Variants in PKHD1 observed in about 807,000 individuals in gnomAD.
PKHD1 encodes the protein fibrocystin.
In PKHD1, 291 loss-of-function variants were observed where a neutral mutation model predicts 412.0. That is an observed-to-expected ratio of 0.71 (90% CI 0.64 to 0.78). The LOEUF (loss-of-function observed/expected upper bound fraction) is 0.78. Among genes scored for constraint, PKHD1 ranks in the 30% least tolerant of loss-of-function variants. The pLI, the probability that PKHD1 is intolerant of heterozygous loss-of-function variation, is 0.00. For missense variants in PKHD1, 4,825 were observed against 4,950.7 expected (o/e 0.97, Z 0.76); for synonymous variants, 1,777 against 1,821.5 (o/e 0.98, Z 0.62).
chr6:51,900,158 A>G (rs934646893), intron 43 of PKHD1, among the ~76,000 whole-genome samples: 4 of 152,008 alleles, frequency 2.6e-5, no homozygotes, highest in African/African-American at 4.8e-5. Context: ...ACAGAATTGG[A>G]AAAAAAACTA....
chr6:51,722,033 GA>G (rs1197032013), intron 60 of PKHD1: 10 of 1,613,078 alleles, frequency 6.2e-6, no homozygotes, highest in Non-Finnish European at 8.5e-6. Context: ...GAAGTAAACA[GA>G]AGTACTTTAG....
At chr6:51,894,885 T>C (rs1010803513) in intron 43 of PKHD1, among the ~76,000 whole-genome samples, 4 of 152,256 alleles carry the variant, frequency 2.6e-5, no homozygotes, top group Non-Finnish European at 5.9e-5. Context: ...GAAGAGCACA[T>C]AGGAATTCTC....
Position 52,033,010 on chromosome 6 carries a change from T to C in PKHD1, c.3364+20A>G. On this transcript the variant is annotated intron_variant, in intron 29 of 66. Coordinates refer to ENST00000371117, the MANE Select transcript of PKHD1 (RefSeq NM_138694.4). ...CAATGCTCTAAGAAGAAAAAGATCTTGCAGTATCACATATTTTACCTGCTA... is the reference window on the plus strand; with the variant it reads ...CAATGCTCTAAGAAGAAAAAGATCTCGCAGTATCACATATTTTACCTGCTA... 3 of 1,599,610 alleles carry C rather than the reference T, an allele frequency of 1.9e-6. No homozygotes were observed. Among genetic ancestry groups the C allele is most frequent in the Non-Finnish European group, 1.7e-6 (2 of 1,167,162 alleles).
intron 36 of PKHD1, among the ~76,000 whole-genome samples, chr6:51,949,257 T>C (rs1026692917): frequency 3.3e-5 from 5 of 152,208 alleles, no homozygotes; most frequent in African/African-American, 1.2e-4. Flanking sequence ...TACCTTTCAA[T>C]TATTAAATAG....
chr6:52,043,758 T>A, intron 25 of PKHD1, 28 bp from the exon 26 acceptor site: 1 of 1,500,134 alleles, frequency 6.7e-7, no homozygotes, highest in Non-Finnish European at 9.3e-7. Context: ...TTCTTTTCCA[T>A]TTTATGCATT....
chr6:51,753,821 G>A lies in PKHD1; in HGVS notation c.8798-468C>T, dbSNP rs529792315. ...AAAAGGAAAGCGAGAAGCAGCACCA[G>A]GCAGCAGCAGCGCCCTCTCATGGTG... On this transcript the variant is annotated intron_variant, in intron 56 of 66. Coordinates refer to ENST00000371117, the MANE Select transcript of PKHD1 (RefSeq NM_138694.4). Among the ~76,000 whole-genome samples the A allele has an allele frequency of 1.6e-4, 24 of 152,306 alleles. No homozygotes were observed. Among genetic ancestry groups the A allele is most frequent in the African/African-American group, 5.5e-4 (23 of 41,568 alleles).
intron 55 of PKHD1, 108 bp downstream of exon 55, chr6:51,772,594 A>T: frequency 1.7e-6 from 1 of 597,608 alleles, no homozygotes; most frequent in Non-Finnish European, 3.0e-6. Context: ...CTCATCCTTT[A>T]ATTATAATGT....
chr6:51,964,682 G>A (rs1365639601), intron 35 of PKHD1, among the ~76,000 whole-genome samples: 1 of 152,082 alleles, frequency 6.6e-6, no homozygotes, highest in Non-Finnish European at 1.5e-5. Flanking sequence ...ATGCCATAAT[G>A]AAAAATCTTT....
chr6:51,694,548 C>A (rs191980170), intron 60 of PKHD1, among the ~76,000 whole-genome samples: 115 of 37,702 alleles, frequency 3.1e-3, no homozygotes, highest in African/African-American at 0.012. Flanking sequence ...CACAACCAGC[C>A]TTTTTTTTTT....
chr6:51,716,346 C>A (rs1373601166), intron 60 of PKHD1, among the ~76,000 whole-genome samples: 1 of 152,066 alleles, frequency 6.6e-6, no homozygotes. Flanking sequence ...GGACATAAAT[C>A]AATTATCTGA....
At chr6:51,964,708 A>G (rs1427877439) in intron 35 of PKHD1, among the ~76,000 whole-genome samples, 2 of 152,160 alleles carry the variant, frequency 1.3e-5, no homozygotes, top group Non-Finnish European at 2.9e-5. Context: ...CTGAAATAAT[A>G]TGATATGAAG....
At chr6:52,084,488 A>G (rs1035518713) in intron 2 of PKHD1, among the ~76,000 whole-genome samples, 6 of 152,254 alleles carry the variant, frequency 3.9e-5, no homozygotes, top group Non-Finnish European at 8.8e-5. Flanking sequence ...TCTTTGGGAA[A>G]GTCCGACAGC....
chr6:51,893,764 G>A (rs776101680), intron 43 of PKHD1, among the ~76,000 whole-genome samples: 5 of 152,054 alleles, frequency 3.3e-5, no homozygotes, highest in Non-Finnish European at 7.4e-5. Flanking sequence ...AAAAAAGTGA[G>A]TTAACCCTTC....
intron 36 of PKHD1, among the ~76,000 whole-genome samples, chr6:51,949,856 G>A (rs549546452): frequency 6.6e-6 from 1 of 152,138 alleles, no homozygotes; most frequent in East Asian, 1.9e-4. Context: ...AACCTGGGAT[G>A]GAGCCACACA....
intron 35 of PKHD1, among the ~76,000 whole-genome samples, chr6:52,007,462 A>G (rs374329066): frequency 2.4e-4 from 37 of 152,306 alleles, no homozygotes; most frequent in African/African-American, 7.2e-4. Flanking sequence ...TACTGGTGGC[A>G]TGTTTTTCCC....
Position 51,638,836 on chromosome 6 carries a change from T to C in PKHD1, c.11506+13A>G, listed in dbSNP as rs1768952790. On this transcript the variant is annotated intron_variant, in intron 64 of 66. Coordinates refer to ENST00000371117, the MANE Select transcript of PKHD1 (RefSeq NM_138694.4). The stretch of plus-strand genomic sequence containing the variant: ...AAAAAAACACAGAATAAAAGCACAC[T>C]GTATAAAATTACCTGGAGGAGAAGT... The C allele has an allele frequency of 1.5e-6, 2 of 1,355,330 alleles. No homozygotes were observed. Among genetic ancestry groups the C allele is most frequent in the African/African-American group, 1.5e-5 (1 of 68,632 alleles). 84.0% of individuals were successfully genotyped at this position (1,355,330 alleles called of 1,614,324 possible). A position where few individuals can be genotyped will look rare whatever the true frequency, so the allele number is the denominator to read the frequency against.
chr6:52,085,575 C>T (rs879373479), intron 1 of PKHD1, among the ~76,000 whole-genome samples: 1 of 152,212 alleles, frequency 6.6e-6, no homozygotes, highest in Admixed American at 6.5e-5. Flanking sequence ...TCAGCTGATT[C>T]TTTCCTCCGC....
intron 55 of PKHD1, among the ~76,000 whole-genome samples, chr6:51,756,562 G>A (rs561899566): frequency 5.1e-4 from 78 of 152,238 alleles, no homozygotes; most frequent in African/African-American, 1.8e-3. Context: ...TTTTGTTGAA[G>A]AGCACTGAAT....
At chr6:51,638,757 A>G (rs1203659096) in intron 64 of PKHD1, 92 bp downstream of exon 64, 1 of 796,982 alleles carries the variant, frequency 1.3e-6, no homozygotes, top group Non-Finnish European at 2.2e-6. Context: ...CTTATTCATG[A>G]TAGTAGCTAT....
Sources: allele counts gnomAD v4.1 joint callset (sites outside exome capture counted in the v4.1 genomes callset), GRCh38; gene constraint gnomAD v4.1.1; transcripts MANE v1.5; gene names NCBI Gene and HGNC (gene_info 2026-07-23, HGNC 2026-07-21).